Variants in SNRK observed in about 807,000 individuals in gnomAD.
The protein encoded by SNRK is SNF-related serine/threonine-protein kinase.
In SNRK, 3 loss-of-function variants were observed where a neutral mutation model predicts 48.2. The observed-to-expected ratio is 0.06, with a 90% confidence interval of 0.03 to 0.16. The LOEUF (loss-of-function observed/expected upper bound fraction) is 0.16, where lower values mean the gene tolerates loss of function less well. Ranked by LOEUF, SNRK falls within the 10% of genes least tolerant of loss-of-function variation. The pLI, the probability that SNRK is intolerant of heterozygous loss-of-function variation, is 1.00. For synonymous variants in SNRK, 376 were observed against 366.1 expected (o/e 1.03, Z -0.31); for missense variants, 627 against 976.0 (o/e 0.64, Z 4.76).
intron 3 of SNRK, among the ~76,000 whole-genome samples, chr3:43,322,226 G>A (rs1354854147): frequency 6.6e-6 from 1 of 152,168 alleles, no homozygotes; most frequent in African/African-American, 2.4e-5. Flanking sequence ...TAATTGACTG[G>A]AAAAATTCAA....
At chr3:43,333,323 C>A (rs975115993) in intron 4 of SNRK, 2 of 119,676 alleles carry the variant, frequency 1.7e-5, no homozygotes, top group African/African-American at 6.4e-5. Flanking sequence ...CGCGCCACTG[C>A]ATTCCAGCCT....
At chr3:43,304,584 A>G (rs2090922767) in intron 3 of SNRK, among the ~76,000 whole-genome samples, 2 of 152,158 alleles carry the variant, frequency 1.3e-5, no homozygotes. Context: ...TTTGAAGATC[A>G]TGTAGGAATT....
Position 43,348,273 on chromosome 3 carries a change from T to C in SNRK, c.2014T>C (p.Leu672=). 2 of 1,614,158 alleles carry C rather than the reference T, an allele frequency of 1.2e-6. No individual in the cohort carries two copies. The highest frequency in any genetic ancestry group is 1.7e-6 in the Non-Finnish European group (2 of 1,179,996). The change falls in exon 7 of 7, where the codon TTG becomes CTG. Residue 672 remains leucine (L), a synonymous_variant. Transcript: ENST00000296088. Reference sequence around the variant, plus strand: ...GTACATTATTGATCCACAGAATGGCTTGTCATTTTCCAGTGTGAAAGTCCA... The same window carrying C: ...GTACATTATTGATCCACAGAATGGCCTGTCATTTTCCAGTGTGAAAGTCCA... ...TKYIIDPQNG[L]SFSSVKVQEK...
intron 2 of SNRK, among the ~76,000 whole-genome samples, chr3:43,301,911 T>C (rs931620659): frequency 6.6e-6 from 1 of 152,208 alleles, no homozygotes; most frequent in East Asian, 1.9e-4. Context: ...TTGCATCTTG[T>C]TTAATTTTAT....
intron 6 of SNRK, among the ~76,000 whole-genome samples, chr3:43,345,925 G>A (rs574954633): frequency 6.6e-6 from 1 of 152,268 alleles, no homozygotes; most frequent in East Asian, 1.9e-4. Flanking sequence ...CTGAGAGAAG[G>A]GCCTAGGCAT....
chr3:43,301,365 T>C (rs1423614240), intron 2 of SNRK, among the ~76,000 whole-genome samples: 1 of 152,200 alleles, frequency 6.6e-6, no homozygotes, highest in Non-Finnish European at 1.5e-5. Flanking sequence ...CAAATGTTTA[T>C]AAACAATGTG....
At chr3:43,334,019 G>A (rs990443378) in intron 4 of SNRK, among the ~76,000 whole-genome samples, 37 of 152,054 alleles carry the variant, frequency 2.4e-4, no homozygotes, top group Admixed American at 2.2e-3. Context: ...GGTGGCTGGC[G>A]CCTGTAATCC....
chr3:43,343,586 C>T, intron 6 of SNRK, 108 bp downstream of exon 6: 1 of 1,233,590 alleles, frequency 8.1e-7, no homozygotes, highest in Non-Finnish European at 1.1e-6. Context: ...AGAGTACAAA[C>T]AGTGATGACG....
Position 43,303,049 on chromosome 3 carries a change from T to C in SNRK, c.-106-49T>C. The C allele has an allele frequency of 3.9e-6, 2 of 510,048 alleles. No homozygotes were observed. The highest frequency in any genetic ancestry group is 6.7e-6 in the Non-Finnish European group (2 of 298,058). The allele number at this position is 510,048 out of a possible 1,614,324, so 31.6% of individuals were successfully genotyped here. On this transcript the variant is annotated intron_variant, in intron 2 of 6. Transcript: ENST00000296088. The surrounding 1 kb of genome is among the most constrained non-coding windows in gnomAD (Gnocchi z 6.2). The stretch of plus-strand genomic sequence containing the variant: ...AAAAATGAAGTGATTTTAAAGTTTG[T>C]GAAGAAAAGTCGCAGAAACTTAATT...
At chr3:43,343,179 C>T in intron 5 of SNRK, 165 bp from the exon 6 acceptor site, 3 of 790,072 alleles carry the variant, frequency 3.8e-6, no homozygotes, top group East Asian at 5.8e-5. Flanking sequence ...TTTGAGTGAC[C>T]TAAATAACTA....
At chr3:43,323,897 C>T (rs1468950362) in intron 3 of SNRK, among the ~76,000 whole-genome samples, 1 of 152,076 alleles carries the variant, frequency 6.6e-6, no homozygotes, top group Non-Finnish European at 1.5e-5. Flanking sequence ...CAAGGACACA[C>T]AATAGCTGTG....
intron 3 of SNRK, among the ~76,000 whole-genome samples, chr3:43,310,209 T>C (rs750852605): frequency 6.6e-6 from 1 of 152,178 alleles, no homozygotes; most frequent in Non-Finnish European, 1.5e-5. Context: ...ACTGGAGTGT[T>C]TGGACTTGTC....
Position 43,303,383 on chromosome 3 carries a change from T to C in SNRK, c.180T>C (p.Leu60=), listed in dbSNP as rs1413868051. The change falls in exon 3 of 7, where the codon CTT becomes CTC. Residue 60 remains leucine (L), a synonymous_variant. Coordinates refer to ENST00000296088, the MANE Select transcript of SNRK (RefSeq NM_017719.5). The surrounding 1 kb of genome is among the most constrained non-coding windows in gnomAD (Gnocchi z 6.2). ...TKLDTLATGH[L]FQEVRCMKLV... Reference sequence around the variant, plus strand: ...TGGACACTCTAGCTACTGGTCATCTTTTCCAGGAAGTGAGATGCATGAAAC... The same window carrying C: ...TGGACACTCTAGCTACTGGTCATCTCTTCCAGGAAGTGAGATGCATGAAAC... 3 of 1,614,050 alleles carry C rather than the reference T, an allele frequency of 1.9e-6. No homozygotes were observed. The highest frequency in any genetic ancestry group is 1.7e-5 in the Admixed American group (1 of 59,994).
At chr3:43,296,801 A>T (rs2090859325) in intron 1 of SNRK, among the ~76,000 whole-genome samples, 1 of 152,214 alleles carries the variant, frequency 6.6e-6, no homozygotes, top group African/African-American at 2.4e-5. Flanking sequence ...TAGTAGGTTT[A>T]ACAGAAGCTG....
chr3:43,311,388 T>A (rs906102426), intron 3 of SNRK, among the ~76,000 whole-genome samples: 2 of 152,308 alleles, frequency 1.3e-5, no homozygotes, highest in South Asian at 4.1e-4. Flanking sequence ...TTCAGTCTGA[T>A]CCTACCTGCC....
At chr3:43,322,738 G>A (rs931978154) in intron 3 of SNRK, among the ~76,000 whole-genome samples, 1 of 152,032 alleles carries the variant, frequency 6.6e-6, no homozygotes, top group Non-Finnish European at 1.5e-5. Flanking sequence ...AGATCATGAG[G>A]TCAGGAGATC....
chr3:43,336,633 A>G (rs1487264799), intron 4 of SNRK, among the ~76,000 whole-genome samples: 3 of 152,048 alleles, frequency 2.0e-5, no homozygotes, highest in African/African-American at 7.2e-5. Context: ...CACCCTGCCA[A>G]GGTTTTTCTT....
chr3:43,328,490 G>A (rs2091112651), intron 3 of SNRK, among the ~76,000 whole-genome samples: 1 of 151,942 alleles, frequency 6.6e-6, no homozygotes, highest in Admixed American at 6.6e-5. Flanking sequence ...CCCACCTTAG[G>A]CTTCCTGCTA....
intron 2 of SNRK, among the ~76,000 whole-genome samples, chr3:43,301,169 CAT>C (rs1389315425): frequency 3.3e-5 from 5 of 152,284 alleles, no homozygotes; most frequent in Admixed American, 6.5e-5. Flanking sequence ...TATTAGTAAA[CAT>C]ATTAACATTG....
Sources: gnomAD v4.1 joint callset for allele counts (sites outside exome capture counted in the v4.1 genomes callset) on GRCh38, gnomAD v4.1.1 for gene constraint, Gnocchi (gnomAD v3.1) non-coding constraint, MANE v1.5 for transcripts, NCBI Gene and HGNC (gene_info 2026-07-23, HGNC 2026-07-21) for gene names.